RNF157: variants seen among roughly 807,000 people sequenced by gnomAD.
The protein encoded by RNF157 is ring finger protein 157.
RNF157 carries 55 observed loss-of-function variants against 88.3 expected under a neutral mutation model. That is an observed-to-expected ratio of 0.62 (90% CI 0.50 to 0.78). The LOEUF is 0.78. Ranked by LOEUF, RNF157 falls within the 30% of genes least tolerant of loss-of-function variation. RNF157 has a pLI of 0.00. For synonymous variants in RNF157, 334 were observed against 341.2 expected (o/e 0.98, Z 0.23); for missense variants, 788 against 860.8 (o/e 0.92, Z 1.06).
intron 5 of RNF157, 93 bp downstream of exon 5, chr17:76,166,916 A>G (rs2278826): frequency 0.25 from 194,274 of 776,992 alleles, 26,758 homozygotes; most frequent in African/African-American, 0.49. Flanking sequence ...GCCTTCAAGC[A>G]TCCGAGCAGC....
chr17:76,150,210 T>C (rs985431972), intron 18 of RNF157, among the ~76,000 whole-genome samples: 4 of 152,116 alleles, frequency 2.6e-5, no homozygotes, highest in African/African-American at 9.7e-5. Context: ...GAGGATATAA[T>C]GGGACACTTA....
chr17:76,203,436 G>A (rs2069621145), intron 2 of RNF157, among the ~76,000 whole-genome samples: 1 of 150,684 alleles, frequency 6.6e-6, no homozygotes, highest in Non-Finnish European at 1.5e-5. Context: ...TACTGCCATA[G>A]AAGGAAAAGT....
intron 2 of RNF157, among the ~76,000 whole-genome samples, chr17:76,201,850 T>A (rs117813251): frequency 0.012 from 1,765 of 152,214 alleles, 27 homozygotes; most frequent in Non-Finnish European, 0.015. Flanking sequence ...TCCACTATAA[T>A]GGCCATTAGA....
intron 2 of RNF157, among the ~76,000 whole-genome samples, chr17:76,205,419 G>A (rs1160154719): frequency 6.6e-6 from 1 of 152,022 alleles, no homozygotes; most frequent in Non-Finnish European, 1.5e-5. Flanking sequence ...GGGATAAGCC[G>A]CCATGCCGGG....
chr17:76,159,837 G>GA (rs1250274488), intron 11 of RNF157, among the ~76,000 whole-genome samples: 8 of 151,464 alleles, frequency 5.3e-5, no homozygotes, highest in East Asian at 1.9e-4. Flanking sequence ...TAAAAGTAAG[G>GA]AAAAAAAATC....
chr17:76,155,762 G>A, intron 14 of RNF157, 28 bp from the exon 15 acceptor site: 1 of 1,503,824 alleles, frequency 6.6e-7, no homozygotes, highest in Non-Finnish European at 8.9e-7. Context: ...GGGGAAAGGA[G>A]CCTGGAGGTC....
chr17:76,200,691 T>G (rs2069560299), intron 2 of RNF157, among the ~76,000 whole-genome samples: 1 of 152,128 alleles, frequency 6.6e-6, no homozygotes, highest in African/African-American at 2.4e-5. Context: ...GGCGTGGAAG[T>G]AGGGAGACAT....
At chr17:76,187,961 A>G (rs527764830) in intron 2 of RNF157, among the ~76,000 whole-genome samples, 7 of 152,256 alleles carry the variant, frequency 4.6e-5, no homozygotes, top group African/African-American at 2.4e-5. Flanking sequence ...GGAAAAATCT[A>G]TTCTGCAGCT....
chr17:76,213,762 A>AG (rs1438238090), intron 1 of RNF157, among the ~76,000 whole-genome samples: 1 of 152,050 alleles, frequency 6.6e-6, no homozygotes, highest in Non-Finnish European at 1.5e-5. Context: ...AGGAAGGGAG[A>AG]GGGGATGAAA....
chr17:76,173,083 G>A (rs1025955239), intron 3 of RNF157, among the ~76,000 whole-genome samples: 20 of 152,068 alleles, frequency 1.3e-4, no homozygotes, highest in Non-Finnish European at 1.6e-4. Context: ...TCAGGAGATC[G>A]AGACCATCCT....
Position 76,160,760 on chromosome 17 carries a change from G to A in RNF157, c.1065+775C>T, listed in dbSNP as rs1448090293. Among the ~76,000 whole-genome samples the A allele has an allele frequency of 2.6e-5, 4 of 152,188 alleles. No homozygotes were observed. Among genetic ancestry groups the A allele is most frequent in the Non-Finnish European group, 5.9e-5 (4 of 68,034 alleles). The stretch of plus-strand genomic sequence containing the variant: ...TGCTAAACTTTTTAGGTGGTAAAAT[G>A]TATGGTTCTTGCTTTCAAGCTTAGA... On this transcript the variant is annotated intron_variant, in intron 11 of 18. Transcript: ENST00000269391. The surrounding 1 kb of genome is among the most constrained non-coding windows in gnomAD (Gnocchi z 4.3).
intron 18 of RNF157, chr17:76,147,371 C>G (rs1418753322): frequency 1.0e-6 from 1 of 986,374 alleles, no homozygotes; most frequent in Non-Finnish European, 1.2e-6. Context: ...CATGCATGCA[C>G]AAATAAAAAC....
intron 2 of RNF157, among the ~76,000 whole-genome samples, chr17:76,208,414 C>T (rs60943338): frequency 0.069 from 10,430 of 152,166 alleles, 1,166 homozygotes; most frequent in African/African-American, 0.23. Context: ...AGTCTTTAAA[C>T]TCTCTGTGCC....
intron 2 of RNF157, among the ~76,000 whole-genome samples, chr17:76,209,358 C>A (rs1414636725): frequency 6.6e-6 from 1 of 152,354 alleles, no homozygotes; most frequent in East Asian, 1.9e-4. Context: ...GCATAAACTT[C>A]AAGTTGAACC....
rs1384909220 is a variant in RNF157 at position 76,143,128 on chromosome 17, GGA to G, written c.*2105_*2106del. ...GAGAAGGCAGGGGGAGGGAGGAAGA[GGA>G]GAAATAGTAACTGAGAAACAAGTAA... On this transcript the variant is annotated 3_prime_UTR_variant, in exon 19 of 19. Coordinates refer to ENST00000269391, the MANE Select transcript of RNF157 (RefSeq NM_052916.3). The G allele has an allele frequency of 5.2e-5, 8 of 152,382 alleles. No individual in the cohort carries two copies. The highest frequency in any genetic ancestry group is 9.7e-5 in the African/African-American group (4 of 41,444). The allele number at this position is 152,382 out of a possible 1,614,324, so 9.4% of individuals were successfully genotyped here. A position where few individuals can be genotyped will look rare whatever the true frequency, so the allele number is the denominator to read the frequency against.
intron 12 of RNF157, 79 bp from the exon 13 acceptor site, chr17:76,158,580 G>A: frequency 2.0e-6 from 2 of 977,836 alleles, no homozygotes; most frequent in Non-Finnish European, 3.3e-6. Flanking sequence ...GAGCTGAGGG[G>A]AAAACCCAAA....
At chr17:76,194,168 A>C (rs2069434144) in intron 2 of RNF157, among the ~76,000 whole-genome samples, 1 of 152,190 alleles carries the variant, frequency 6.6e-6, no homozygotes, top group African/African-American at 2.4e-5. Flanking sequence ...CCACCATTAC[A>C]AACAAAATAA....
intron 18 of RNF157, chr17:76,147,642 A>G (rs541550628): frequency 6.6e-6 from 1 of 152,328 alleles, no homozygotes; most frequent in African/African-American, 2.4e-5. Flanking sequence ...AGCGGGGGGC[A>G]CCTTCCCCTG....
chr17:76,206,787 A>C (rs7225796), intron 2 of RNF157, among the ~76,000 whole-genome samples: 5,792 of 152,298 alleles, frequency 0.038, 371 homozygotes, highest in African/African-American at 0.13. Flanking sequence ...AAAACAAACA[A>C]AGAAAACAGT....
Sources: allele counts gnomAD v4.1 joint callset (sites outside exome capture counted in the v4.1 genomes callset), GRCh38; gene constraint gnomAD v4.1.1; non-coding constraint Gnocchi (gnomAD v3.1); transcripts MANE v1.5; gene names NCBI Gene and HGNC (gene_info 2026-07-23, HGNC 2026-07-21).